The following MYH10 variants were observed in gnomAD, a reference collection of about 807,000 sequenced individuals.
MYH10 encodes the protein myosin-10.
In MYH10, 55 loss-of-function variants were observed where a neutral mutation model predicts 257.8. That is an observed-to-expected ratio of 0.21 (90% CI 0.17 to 0.27). The LOEUF (loss-of-function observed/expected upper bound fraction) is 0.27. Ranked by LOEUF, MYH10 falls within the 10% of genes least tolerant of loss-of-function variation. The pLI, the probability that MYH10 is intolerant of heterozygous loss-of-function variation, is 1.00. For synonymous variants in MYH10, 854 were observed against 921.7 expected, an observed-to-expected ratio of 0.93 and a Z score of 1.33; for missense variants, 1,631 against 2,500.6, an observed-to-expected ratio of 0.65 and a Z score of 7.42.
intron 4 of MYH10, among the ~76,000 whole-genome samples, chr17:8,582,150 A>G (rs1200797644): frequency 2.6e-5 from 4 of 152,228 alleles, no homozygotes; most frequent in Admixed American, 6.5e-5. Context: ...GCAGGATCAA[A>G]GGAGTATAAA....
chr17:8,609,354 G>C (rs932686079), intron 2 of MYH10, among the ~76,000 whole-genome samples: 2 of 150,938 alleles, frequency 1.3e-5, no homozygotes, highest in African/African-American at 4.9e-5. Context: ...CATCGAGAAG[G>C]AAAGGGAGGA....
In MYH10 at chr17:8,551,074, C is replaced by T. The variant is rs1393687718; in HGVS notation, c.919+972G>A. ...TCACTTGTTTATCTGCTGACCTTCC[C>T]TCCACTATTGTCCTATGACCCTGCC... is the stretch of plus-strand genomic sequence containing the variant. On this transcript the variant is annotated intron_variant, in intron 9 of 42. Transcript: ENST00000360416. Among the ~76,000 whole-genome samples the T allele has an allele frequency of 3.3e-5, 5 of 151,054 alleles. No individual in the cohort carries two copies. In the East Asian group the frequency reaches 9.7e-4, roughly 29 times the overall value.
intron 16 of MYH10, 26 bp from the exon 17 acceptor site, chr17:8,530,711 G>A: frequency 1.3e-6 from 2 of 1,509,338 alleles, no homozygotes; most frequent in Non-Finnish European, 9.0e-7. Flanking sequence ...AGCAAAAACA[G>A]GACAGAAGAG....
At chr17:8,491,186 A>G (rs1915714563) in intron 34 of MYH10, among the ~76,000 whole-genome samples, 1 of 152,158 alleles carries the variant, frequency 6.6e-6, no homozygotes, top group Non-Finnish European at 1.5e-5. Context: ...TCTGGGGTCC[A>G]GGACCACTGC....
chr17:8,502,191 CT>C (rs1394011707), intron 28 of MYH10, among the ~76,000 whole-genome samples: 1 of 152,206 alleles, frequency 6.6e-6, no homozygotes, highest in East Asian at 1.9e-4. Flanking sequence ...CTCTTTTCCT[CT>C]CTTCTCATGG....
intron 13 of MYH10, among the ~76,000 whole-genome samples, chr17:8,544,569 T>TA (rs1316465569): frequency 6.6e-6 from 1 of 152,190 alleles, no homozygotes; most frequent in Non-Finnish European, 1.5e-5. Context: ...TTTATGAGGA[T>TA]AGACTTATAA....
At chr17:8,580,129 A>T (rs2083647719) in intron 4 of MYH10, among the ~76,000 whole-genome samples, 1 of 152,108 alleles carries the variant, frequency 6.6e-6, no homozygotes, top group Non-Finnish European at 1.5e-5. Context: ...TTCACCTGAA[A>T]AAAAAAAAGT....
chr17:8,557,616 C>G (rs2082848531), intron 7 of MYH10, among the ~76,000 whole-genome samples: 1 of 152,190 alleles, frequency 6.6e-6, no homozygotes, highest in African/African-American at 2.4e-5. Flanking sequence ...GTCATCACAA[C>G]AGAGGTGCAT....
chr17:8,616,711 C>T (rs1268609073), intron 2 of MYH10, among the ~76,000 whole-genome samples: 3 of 152,056 alleles, frequency 2.0e-5, no homozygotes, highest in Non-Finnish European at 4.4e-5. Flanking sequence ...AACTGATCTA[C>T]AGAATCAGTA....
intron 23 of MYH10, among the ~76,000 whole-genome samples, chr17:8,513,113 G>A (rs531388246): frequency 9.3e-4 from 141 of 152,308 alleles, no homozygotes; most frequent in African/African-American, 3.1e-3. Context: ...AAACTTCCCA[G>A]AAGAGGGACA....
chr17:8,499,437 T>A lies in MYH10; in HGVS notation c.3784A>T (p.Thr1262Ser). The A allele has an allele frequency of 6.2e-7, 1 of 1,614,114 alleles. No homozygotes were observed. The highest frequency in any genetic ancestry group is 8.5e-7 in the Non-Finnish European group (1 of 1,180,034). ...NLEKNKQGLE[T>S]DNKELACEVK... Reference sequence around the variant, plus strand: ...TCACACGCCAGCTCCTTGTTATCTGTCTCCAGGCCCTGCTTGTTCTTCTCT... The same window carrying A: ...TCACACGCCAGCTCCTTGTTATCTGACTCCAGGCCCTGCTTGTTCTTCTCT... Residue 1262 changes from threonine (T) to serine (S), a missense_variant, in exon 30 of 43, where the codon ACA becomes TCA. Thr to Ser is a moderately conservative substitution (Grantham distance 58). Around this residue, in one of 11 missense-constraint regions of MYH10, gnomAD observed 463 missense variants for 621.8 expected, o/e 0.74. Coordinates refer to ENST00000360416, the MANE Select transcript of MYH10 (RefSeq NM_001256012.3).
Position 8,504,948 on chromosome 17 carries a change from C to A in MYH10, c.3387-42G>T. Reference sequence around the variant, plus strand: ...GCGCAAGAGGCACTCAGAGATGGCACCCGGATGGCCTGTTTCTCAGGCGAG... The same window carrying A: ...GCGCAAGAGGCACTCAGAGATGGCAACCGGATGGCCTGTTTCTCAGGCGAG... On this transcript the variant is annotated intron_variant, in intron 27 of 42. Coordinates refer to ENST00000360416, the MANE Select transcript of MYH10 (RefSeq NM_001256012.3). The surrounding 1 kb of genome is among the most constrained non-coding windows in gnomAD (Gnocchi z 5.6). 5 of 1,557,080 alleles carry A rather than the reference C, an allele frequency of 3.2e-6. No homozygotes were observed. Among genetic ancestry groups the A allele is most frequent in the Non-Finnish European group, 4.4e-6 (5 of 1,129,724 alleles).
Position 8,623,042 on chromosome 17 carries a change from C to T in MYH10, c.205G>A (p.Ala69Thr). The T allele has an allele frequency of 6.2e-7, 1 of 1,614,176 alleles. No individual in the cohort carries two copies. The change falls in exon 2 of 43, where the codon GCA (alanine) becomes ACA (threonine). Residue 69 changes from alanine (A) to threonine (T), a missense_variant. Ala to Thr is a moderately conservative substitution (Grantham distance 58, BLOSUM62 0). Transcript: ENST00000360416. Reference protein sequence around the residue: ...MVELAENGKKAMVNKDDIQKM... With the variant: ...MVELAENGKKTMVNKDDIQKM... ...TGAATATCATCTTTGTTGACCATTG[C>T]TTTCTTTCCATTCTCTGCCAACTCC...
In MYH10 at chr17:8,552,795, G is replaced by A. The variant is rs1419155036; in HGVS notation, c.821-651C>T. Among the ~76,000 whole-genome samples the A allele has an allele frequency of 6.6e-6, 1 of 152,206 alleles. No homozygotes were observed. Among genetic ancestry groups the A allele is most frequent in the Admixed American group, 6.5e-5 (1 of 15,284 alleles). On this transcript the variant is annotated intron_variant, in intron 8 of 42. Coordinates refer to ENST00000360416, the MANE Select transcript of MYH10 (RefSeq NM_001256012.3). The surrounding 1 kb of genome is among the most constrained non-coding windows in gnomAD (Gnocchi z 4.8). ...CTAGTCTTCCCTCTGCTGCTCTGAA[G>A]AACCGGTGCGGCCAGTACCTACGCC...
At chr17:8,527,884 A>G (rs2081899495) in intron 17 of MYH10, among the ~76,000 whole-genome samples, 1 of 152,272 alleles carries the variant, frequency 6.6e-6, no homozygotes, top group Admixed American at 6.5e-5. Flanking sequence ...AATATAATGC[A>G]ACAACAAAAA....
chr17:8,523,793 G>A (rs1214998425), intron 17 of MYH10, among the ~76,000 whole-genome samples: 1 of 152,196 alleles, frequency 6.6e-6, no homozygotes, highest in Non-Finnish European at 1.5e-5. Flanking sequence ...TGGGAGGACT[G>A]GCTTGCTCTT....
At chr17:8,556,900 G>C (rs1042688141) in intron 7 of MYH10, among the ~76,000 whole-genome samples, 1 of 152,156 alleles carries the variant, frequency 6.6e-6, no homozygotes, top group African/African-American at 2.4e-5. Context: ...GATCTGTGAA[G>C]CATTCTATAA....
Position 8,474,698 on chromosome 17 carries a change from C to G in MYH10, c.*1106G>C, listed in dbSNP as rs1222885191. 1 of 152,624 alleles carries G rather than the reference C, an allele frequency of 6.6e-6. No homozygotes were observed. The highest frequency in any genetic ancestry group is 1.9e-4 in the East Asian group (1 of 5,200). 9.5% of individuals were successfully genotyped at this position (152,624 alleles called of 1,614,324 possible). A position where few individuals can be genotyped will look rare whatever the true frequency, so the allele number is the denominator to read the frequency against. On this transcript the variant is annotated 3_prime_UTR_variant, in exon 43 of 43. Coordinates refer to ENST00000360416, the MANE Select transcript of MYH10 (RefSeq NM_001256012.3). The stretch of plus-strand genomic sequence containing the variant: ...AGGCACTTTCCGTAATGTCAGTTTG[C>G]TTAACTACCAACCAAAAACAGGATG...
At chr17:8,496,635 G>A (rs116861398) in intron 30 of MYH10, among the ~76,000 whole-genome samples, 2,287 of 152,310 alleles carry the variant, frequency 0.015, 27 homozygotes, top group Non-Finnish European at 0.023. Context: ...TCATAATGCT[G>A]TTTCAGAGAT....
Sources: allele counts gnomAD v4.1 joint callset (sites outside exome capture counted in the v4.1 genomes callset), GRCh38; gene constraint gnomAD v4.1.1; regional missense constraint gnomAD v4.1.1; non-coding constraint Gnocchi (gnomAD v3.1); transcripts MANE v1.5; gene names NCBI Gene and HGNC (gene_info 2026-07-23, HGNC 2026-07-21).